The following NLRP8 variants were observed in gnomAD, a reference collection of about 807,000 sequenced individuals.
The protein encoded by NLRP8 is NLR family pyrin domain containing 8, also known as NACHT, LRR and PYD domains-containing protein 8.
NLRP8 carries 86 observed loss-of-function variants against 88.7 expected under a neutral mutation model. The ratio of observed to expected loss-of-function variants is 0.97; its 90% CI spans 0.81 to 1.16. The LOEUF (loss-of-function observed/expected upper bound fraction) is 1.16. Among genes scored for constraint, NLRP8 ranks in the 50% most tolerant of loss-of-function variants. The pLI is 0.00. For synonymous variants in NLRP8, 504 were observed against 494.6 expected (o/e 1.02, Z -0.25); for missense variants, 1,342 against 1,286.5 (o/e 1.04, Z -0.66).
In NLRP8 at chr19:55,955,775, C is replaced by T. The variant is rs1443276069; in HGVS notation, c.1717C>T (p.Gln573Ter). ...CGAGGCCTGCGCTTCGGCCGTGGAA[C>T]AGTCATTCCAATGCAAGGTGTCTTT... Residue 573 changes from glutamine (Q) to a stop codon, truncating the protein, a stop_gained, in exon 3 of 10, where the codon CAG becomes TAG. Coordinates refer to ENST00000291971, the MANE Select transcript of NLRP8 (RefSeq NM_176811.2). LOFTEE classifies it high-confidence loss of function. 3 of 1,614,136 alleles carry T rather than the reference C, an allele frequency of 1.9e-6. No homozygotes were observed. The highest frequency in any genetic ancestry group is 2.2e-5 in the East Asian group (1 of 44,882).
Position 55,973,833 on chromosome 19 carries a change from G to C in NLRP8, c.2705+11G>C, listed in dbSNP as rs765207549. ...TCTGCAGAGGCTGGTGTAAGTCCCAGAATGTTTTCTTCTCTGAATTCCCTG... is the reference window on the plus strand; with the variant it reads ...TCTGCAGAGGCTGGTGTAAGTCCCACAATGTTTTCTTCTCTGAATTCCCTG... On this transcript the variant is annotated intron_variant, in intron 7 of 9. Coordinates refer to ENST00000291971, the MANE Select transcript of NLRP8 (RefSeq NM_176811.2). The C allele has an allele frequency of 5.6e-6, 9 of 1,602,756 alleles. No individual in the cohort carries two copies. The highest frequency in any genetic ancestry group is 7.7e-6 in the Non-Finnish European group (9 of 1,172,242).
chr19:55,950,736 G>A (rs1979056752), intron 1 of NLRP8, among the ~76,000 whole-genome samples: 1 of 152,064 alleles, frequency 6.6e-6, no homozygotes, highest in South Asian at 2.1e-4. Context: ...GTTTAAAATA[G>A]CACCCAGGCT....
intron 5 of NLRP8, among the ~76,000 whole-genome samples, chr19:55,967,969 G>A (rs1979915871): frequency 6.6e-6 from 1 of 152,226 alleles, no homozygotes; most frequent in South Asian, 2.1e-4. Flanking sequence ...CTGGGCCCAT[G>A]CCATCATCAT....
chr19:55,964,772 A>G (rs2123204627), intron 4 of NLRP8, among the ~76,000 whole-genome samples: 1 of 151,954 alleles, frequency 6.6e-6, no homozygotes, highest in Admixed American at 6.6e-5. Flanking sequence ...AAAAGAAAAA[A>G]AGAACTAGTT....
chr19:55,965,208 T>G (rs1979784184), intron 4 of NLRP8, among the ~76,000 whole-genome samples: 2 of 152,116 alleles, frequency 1.3e-5, no homozygotes, highest in Admixed American at 1.3e-4. Flanking sequence ...CCCAGCACTT[T>G]GGGAGGCCAA....
intron 6 of NLRP8, among the ~76,000 whole-genome samples, chr19:55,972,903 C>A (rs1397191254): frequency 6.6e-6 from 1 of 151,046 alleles, no homozygotes; most frequent in Non-Finnish European, 1.5e-5. Flanking sequence ...TTCGCAACTG[C>A]AAATTGTGCT....
chr19:55,956,607 C>T (rs1214003506), intron 3 of NLRP8, among the ~76,000 whole-genome samples: 1 of 152,024 alleles, frequency 6.6e-6, no homozygotes. Flanking sequence ...CAAACTGTCC[C>T]AGTTTGTTTA....
chr19:55,970,812 A>T (rs990729593), intron 6 of NLRP8, 116 bp downstream of exon 6: 130 of 1,339,850 alleles, frequency 9.7e-5, no homozygotes, highest in Admixed American at 1.3e-4. Context: ...AGGAGCAAAC[A>T]TAAGTCTTGT....
rs1445801696 is a variant in NLRP8, at chr19:55,988,440, G to GTATATATATATATATATATATATATA, written c.*528_*529insATATATATATATATATATATATATAT. ...TATACACATAAATATATATATGTGT[G>GTATATATATATATATATATATATATA]TGTGTATATATATATATATATATAT... On this transcript the variant is annotated 3_prime_UTR_variant, in exon 10 of 10. Coordinates refer to ENST00000291971, the MANE Select transcript of NLRP8 (RefSeq NM_176811.2). 1 of 100,560 alleles carries GTATATATATATATATATATATATATA rather than the reference G, an allele frequency of 9.9e-6. No homozygotes were observed. Among genetic ancestry groups the GTATATATATATATATATATATATATA allele is most frequent in the Middle Eastern group, 4.2e-3 (1 of 238 alleles). 6.2% of individuals were successfully genotyped at this position (100,560 alleles called of 1,614,324 possible).
intron 2 of NLRP8, among the ~76,000 whole-genome samples, chr19:55,953,532 T>A (rs553572423): frequency 1.3e-5 from 2 of 152,174 alleles, no homozygotes; most frequent in East Asian, 3.9e-4. Flanking sequence ...AGTCTCGCTC[T>A]GTCGCCCAGG....
intron 9 of NLRP8, among the ~76,000 whole-genome samples, chr19:55,985,510 C>T (rs1382725519): frequency 1.3e-5 from 2 of 152,060 alleles, no homozygotes; most frequent in African/African-American, 4.8e-5. Context: ...AGTATTGTAA[C>T]AAATGGTGCT....
intron 2 of NLRP8, 59 bp downstream of exon 2, chr19:55,952,671 C>A: frequency 1.4e-6 from 2 of 1,389,480 alleles, no homozygotes; most frequent in Non-Finnish European, 2.0e-6. Context: ...CTGGGATGAG[C>A]TGCTCAGTTG....
chr19:55,986,479 C>CACACACACACACACAT (rs1555759180), intron 9 of NLRP8, among the ~76,000 whole-genome samples: 31 of 139,490 alleles, frequency 2.2e-4, no homozygotes, highest in African/African-American at 7.2e-4. Flanking sequence ...CACATACACA[C>CACACACACACACACAT]ACACACACAC....
rs987445788 is a variant in NLRP8 at position 55,972,790 on chromosome 19, GGTGTGTGTGTGTGTGTGTATGT to G, written c.2535-843_2535-822del. Among the ~76,000 whole-genome samples the G allele has an allele frequency of 7.9e-5, 11 of 138,828 alleles. No individual in the cohort carries two copies. The South Asian group carries it at 9.7e-4, about 12-fold the overall frequency. 91.1% of individuals were successfully genotyped at this position (138,828 alleles called of 152,430 possible). ...TTTTTATGGCTGAGTAGTATTCCAT[GGTGTGTGTGTGTGTGTGTATGT>G]GTGTGTGTGTGTGTGTGTGTGTGTG... is the stretch of plus-strand genomic sequence containing the variant. On this transcript the variant is annotated intron_variant, in intron 6 of 9. Coordinates refer to ENST00000291971, the MANE Select transcript of NLRP8 (RefSeq NM_176811.2).
intron 1 of NLRP8, among the ~76,000 whole-genome samples, chr19:55,948,937 C>A (rs147526885): frequency 6.6e-6 from 1 of 152,262 alleles, no homozygotes; most frequent in Non-Finnish European, 1.5e-5. Context: ...AAGGCCATTT[C>A]GCAGCAACAA....
chr19:55,956,045 A>G lies in NLRP8; in HGVS notation c.1987A>G (p.Thr663Ala). The change falls in exon 3 of 10, where the codon ACC becomes GCC. Residue 663 changes from threonine (T) to alanine (A), a missense_variant. Physicochemically the swap from Thr to Ala is moderately conservative, Grantham distance 58. Transcript: ENST00000291971. Reference sequence around the variant, plus strand: ...TTTGCATGAGGTGGAACTGACCGTCACCCTGAACTTCATGAACGTGTGGAA... The same window carrying G: ...TTTGCATGAGGTGGAACTGACCGTCGCCCTGAACTTCATGAACGTGTGGAA... 6.2e-7 allele frequency: 1 copy of G among 1,614,078 alleles called. No individual in the cohort carries two copies. The highest frequency in any genetic ancestry group is 1.6e-4 in the Middle Eastern group (1 of 6,062).
intron 9 of NLRP8, among the ~76,000 whole-genome samples, chr19:55,986,707 G>C (rs1004201094): frequency 6.6e-6 from 1 of 152,202 alleles, no homozygotes; most frequent in African/African-American, 2.4e-5. Flanking sequence ...CACTGGCTCA[G>C]CGCTCCCCAG....
In NLRP8 at chr19:55,973,692, C is replaced by T; in HGVS notation, c.2575C>T (p.Leu859Phe). The stretch of plus-strand genomic sequence containing the variant: ...CCTTACACAGCTTACTTGTGAAAGC[C>T]TTGCCTCCTGTCTCAGGCAGAGTAA... Residue 859 changes from leucine (L) to phenylalanine (F), a missense_variant, in exon 7 of 10, where the codon CTT (leucine) becomes TTT (phenylalanine). By Grantham distance (22) the Leu-to-Phe change is conservative. Transcript: ENST00000291971. 2 of 1,613,620 alleles carry T rather than the reference C, an allele frequency of 1.2e-6. No individual in the cohort carries two copies. Among genetic ancestry groups the T allele is most frequent in the Non-Finnish European group, 8.5e-7 (1 of 1,179,762 alleles).
chr19:55,974,735 CAAAA>C (rs550499918), intron 7 of NLRP8, among the ~76,000 whole-genome samples: 1 of 78,486 alleles, frequency 1.3e-5, no homozygotes. Context: ...GACTCTGTCT[CAAAA>C]AAAAAAAAAA....
Sources: allele counts gnomAD v4.1 joint callset (sites outside exome capture counted in the v4.1 genomes callset), GRCh38; gene constraint gnomAD v4.1.1; transcripts MANE v1.5; gene names NCBI Gene and HGNC (gene_info 2026-07-23, HGNC 2026-07-21).